The following MYBBP1A variants were observed in gnomAD, a reference collection of about 807,000 sequenced individuals.
The protein encoded by MYBBP1A is myb-binding protein 1A.
Under a neutral mutation model 136.3 loss-of-function variants are expected in MYBBP1A, and 147 were observed. The ratio of observed to expected loss-of-function variants is 1.08; its 90% confidence interval spans 0.94 to 1.24. The LOEUF (loss-of-function observed/expected upper bound fraction) is 1.24. Among genes scored for constraint, MYBBP1A ranks in the 50% most tolerant of loss-of-function variants. The pLI, the probability that MYBBP1A is intolerant of heterozygous loss-of-function variation, is 0.00. For synonymous variants in MYBBP1A, 947 were observed against 735.8 expected (o/e 1.29, Z -4.65); for missense variants, 2,060 against 1,727.4 (o/e 1.19, Z -3.41).
In MYBBP1A at chr17:4,544,617, G is replaced by C; in HGVS notation, c.2511C>G (p.Thr837=). Residue 837 remains threonine (T), a synonymous_variant, in exon 19 of 26, where the codon ACC becomes ACG. Transcript: ENST00000254718. ...RVLDLVEVLV[T]KQPENALVLE... ...GGACCAGGGCATTCTCGGGCTGCTT[G>C]GTCACTAGCACCTCCACCAGGTCCA... 1 of 1,591,148 alleles carries C rather than the reference G, an allele frequency of 6.3e-7. No individual in the cohort carries two copies. The highest frequency in any genetic ancestry group is 8.6e-7 in the Non-Finnish European group (1 of 1,168,764).
chr17:4,544,979 C>T, intron 17 of MYBBP1A, 47 bp downstream of exon 17: 3 of 1,529,528 alleles, frequency 2.0e-6, no homozygotes, highest in Non-Finnish European at 2.6e-6. Flanking sequence ...AACATGGGGA[C>T]ACCCGAGCCC....
Position 4,539,499 on chromosome 17 carries a change from C to G in MYBBP1A, c.3903G>C (p.Arg1301Ser), listed in dbSNP as rs1340892929. 1 of 1,614,164 alleles carries G rather than the reference C, an allele frequency of 6.2e-7. No individual in the cohort carries two copies. The highest frequency in any genetic ancestry group is 1.7e-5 in the Admixed American group (1 of 60,018). The change falls in exon 26 of 26, where the codon AGG (arginine) becomes AGC (serine). Residue 1301 changes from arginine to serine, a missense_variant. Physicochemically the swap from Arg to Ser is moderately radical, Grantham distance 110. Transcript: ENST00000254718. ...PLSALARKKA[R>S]LSLVIRSPSL... ...TGGGACTCCTGATGACCAAAGACAG[C>G]CTTGCCTTTTTCCGTGCCAGCGCGG...
chr17:4,549,785 C>CAAAAAAAAAAAAAAAAAAAAA (rs60360356), intron 9 of MYBBP1A, among the ~76,000 whole-genome samples: 1 of 65,404 alleles, frequency 1.5e-5, no homozygotes, highest in Non-Finnish European at 3.1e-5. Flanking sequence ...GAGACTCTGT[C>CAAAAAAAAAAAAAAAAAAAAA]AAAAAAAAAA....
rs1003687517 is a variant in MYBBP1A, at chr17:4,540,417, C to A, written c.3365G>T (p.Gly1122Val). Reference sequence around the variant, plus strand: ...GCGGCTGGAGCCGGTGGAGTGTGCCCCCTGCTGTAGGCTCTGCTGTTGCCC... The same window carrying A: ...GCGGCTGGAGCCGGTGGAGTGTGCCACCTGCTGTAGGCTCTGCTGTTGCCC... ...LQGQQQSLQQ[G>V]AHSTGSSRLH... The change falls in exon 25 of 26, where the codon GGG (glycine) becomes GTG (valine). Residue 1122 changes from glycine to valine, a missense_variant. Coordinates refer to ENST00000254718, the MANE Select transcript of MYBBP1A (RefSeq NM_014520.4). The A allele has an allele frequency of 6.2e-7, 1 of 1,611,008 alleles. No homozygotes were observed. Among genetic ancestry groups the A allele is most frequent in the Non-Finnish European group, 8.5e-7 (1 of 1,179,800 alleles).
Position 4,552,465 on chromosome 17 carries a change from A to T in MYBBP1A, c.723T>A (p.Asp241Glu), listed in dbSNP as rs761507079. 15 of 1,608,802 alleles carry T rather than the reference A, an allele frequency of 9.3e-6. No homozygotes were observed. The highest frequency in any genetic ancestry group is 2.7e-5 in the African/African-American group (2 of 74,766). The change falls in exon 6 of 26, where the codon GAT becomes GAA. Residue 241 changes from aspartate to glutamate, a missense_variant. Physicochemically the swap from Asp to Glu is conservative, Grantham distance 45. Coordinates refer to ENST00000254718, the MANE Select transcript of MYBBP1A (RefSeq NM_014520.4). This position sits in a 1 kb window ranked among gnomAD's most constrained non-coding sequence, Gnocchi z 4.7. ...KLVGSVNLFS[D>E]ENVPRLVNVL... The stretch of plus-strand genomic sequence containing the variant: ...CTCCATCACACCTGGGGACATTCTC[A>T]TCTGAGAATAGGTTCACGGATCCCA...
intron 2 of MYBBP1A, 125 bp downstream of exon 2, chr17:4,554,736 C>G (rs1907870761): frequency 3.3e-6 from 3 of 919,656 alleles, no homozygotes; most frequent in Non-Finnish European, 5.0e-6. Context: ...CTCCAGTCTG[C>G]TCTGCCACTC....
In MYBBP1A at chr17:4,554,546, A is replaced by G. The variant is rs79580663; in HGVS notation, c.295-268T>C. Among the ~76,000 whole-genome samples the G allele has an allele frequency of 3.4e-3, 523 of 152,302 alleles. 2 individuals are homozygous for G. The highest frequency in any genetic ancestry group is 0.012 in the African/African-American group (496 of 41,562). Reference sequence around the variant, plus strand: ...GCTCTGCCCCTTGTCAAGGCGCCTCAGAGAGTGGTCTACTCCAATCAGCTG... The same window carrying G: ...GCTCTGCCCCTTGTCAAGGCGCCTCGGAGAGTGGTCTACTCCAATCAGCTG... On this transcript the variant is annotated intron_variant, in intron 2 of 25. Coordinates refer to ENST00000254718, the MANE Select transcript of MYBBP1A (RefSeq NM_014520.4).
In MYBBP1A at chr17:4,552,496, T is replaced by G. The variant is rs1432878089; in HGVS notation, c.692A>C (p.Lys231Thr). Reference protein sequence around the residue: ...AQQKVPSKLKKLVGSVNLFSD... With the variant: ...AQQKVPSKLKTLVGSVNLFSD... ...GAATAGGTTCACGGATCCCACCAGC[T>G]TCTTGAGCTTGGAGGGCACCTTCTG... Residue 231 changes from lysine to threonine, a missense_variant, in exon 6 of 26, where the codon AAG becomes ACG. Coordinates refer to ENST00000254718, the MANE Select transcript of MYBBP1A (RefSeq NM_014520.4). This position sits in a 1 kb window ranked among gnomAD's most constrained non-coding sequence, Gnocchi z 4.7. 14 of 1,613,864 alleles carry G rather than the reference T, an allele frequency of 8.7e-6. No individual in the cohort carries two copies. The highest frequency in any genetic ancestry group is 1.1e-5 in the Non-Finnish European group (13 of 1,180,024).
chr17:4,542,708 G>A lies in MYBBP1A; in HGVS notation c.2926C>T (p.Arg976Trp), dbSNP rs143029758. 4,004 of 1,614,054 alleles carry A rather than the reference G, an allele frequency of 2.5e-3. 11 individuals carry two copies. Among genetic ancestry groups the A allele is most frequent in the Non-Finnish European group, 3.2e-3 (3,723 of 1,179,948 alleles). Residue 976 changes from arginine to tryptophan, a missense_variant, in exon 21 of 26, where the codon CGG becomes TGG. By Grantham distance (101) the Arg-to-Trp change is moderately radical. Coordinates refer to ENST00000254718, the MANE Select transcript of MYBBP1A (RefSeq NM_014520.4). ...ASCLDLNLVTRVYSTALSSFL... is the reference protein window; with the variant it reads ...ASCLDLNLVTWVYSTALSSFL... ...GAGCTCAGTGCTGTCGAGTACACCCGGGTCACCAGGTTCAAGTCCAAGCAG... is the reference window on the plus strand; with the variant it reads ...GAGCTCAGTGCTGTCGAGTACACCCAGGTCACCAGGTTCAAGTCCAAGCAG...
rs1018912161 is a variant in MYBBP1A at position 4,540,101 on chromosome 17, G to GTGAGGGTCCTA, written c.3435-145_3435-135dup. 233 of 1,219,276 alleles carry GTGAGGGTCCTA rather than the reference G, an allele frequency of 1.9e-4. 1 individual carries two copies. The highest frequency in any genetic ancestry group is 1.5e-3 in the African/African-American group (98 of 66,386). 75.5% of individuals were successfully genotyped at this position (1,219,276 alleles called of 1,614,324 possible). A position where few individuals can be genotyped will look rare whatever the true frequency, so the allele number is the denominator to read the frequency against. Reference sequence around the variant, plus strand: ...TCTGTGAGGCCCCTATGAGGGTCCCGTGAGGGTCCTATGAGGGTCCTGCGA... The same window carrying GTGAGGGTCCTA: ...TCTGTGAGGCCCCTATGAGGGTCCCGTGAGGGTCCTATGAGGGTCCTATGAGGGTCCTGCGA... On this transcript the variant is annotated intron_variant, in intron 25 of 25. Transcript: ENST00000254718.
At position 4,552,132 on chromosome 17, in the gene MYBBP1A, G is replaced by T. The variant is rs1489148756; in HGVS notation, c.898C>A (p.Pro300Thr). The change falls in exon 7 of 26, where the codon CCA (proline) becomes ACA (threonine). Residue 300 changes from proline (P) to threonine (T), a missense_variant. By Grantham distance (38) the Pro-to-Thr change is conservative. Transcript: ENST00000254718. This position sits in a 1 kb window ranked among gnomAD's most constrained non-coding sequence, Gnocchi z 4.7. The part of the protein sequence containing the change: ...EQGLLKMQFW[P>T]ASYLCFRLLG... ...GACACGCGTCGCCCGCACCTGGCTG[G>T]CCAGAACTGCATCTTCAGCAGCCCT... 4 of 1,613,808 alleles carry T rather than the reference G, an allele frequency of 2.5e-6. No individual in the cohort carries two copies. The African/African-American group carries it at 5.3e-5, about 22-fold the overall frequency.
rs947542776 is a variant in MYBBP1A at position 4,548,966 on chromosome 17, C to T, written c.1431-317G>A. The stretch of plus-strand genomic sequence containing the variant: ...TGGCCAAGTCAGGTCACTGCTCCTG[C>T]GAACATGGGACAGCCCCCTCTTGCA... On this transcript the variant is annotated intron_variant, in intron 10 of 25. Coordinates refer to ENST00000254718, the MANE Select transcript of MYBBP1A (RefSeq NM_014520.4). The surrounding 1 kb of genome is among the most constrained non-coding windows in gnomAD (Gnocchi z 4.2). 6.6e-6 allele frequency among the ~76,000 whole-genome samples: 1 copy of T among 152,254 alleles called. No individual in the cohort carries two copies. Among genetic ancestry groups the T allele is most frequent in the Non-Finnish European group, 1.5e-5 (1 of 68,046 alleles).
In MYBBP1A at chr17:4,553,797, G is replaced by A; in HGVS notation, c.561+13C>T. ...AAGTGTTGCCTGGGCCCGCACAGCT[G>A]GGGAGCTCATACCTCGGAGAGGATG... On this transcript the variant is annotated intron_variant, in intron 5 of 25. Transcript: ENST00000254718. 1.2e-6 allele frequency: 2 copies of A among 1,610,072 alleles called. No individual in the cohort carries two copies. Among genetic ancestry groups the A allele is most frequent in the African/African-American group, 1.3e-5 (1 of 74,942 alleles).
In MYBBP1A at chr17:4,540,378, T is replaced by G. The variant is rs1433681903; in HGVS notation, c.3404A>C (p.Tyr1135Ser). The change falls in exon 25 of 26, where the codon TAC becomes TCC. Residue 1135 changes from tyrosine to serine, a missense_variant. Physicochemically the swap from Tyr to Ser is moderately radical, Grantham distance 144 (BLOSUM62 -2). Coordinates refer to ENST00000254718, the MANE Select transcript of MYBBP1A (RefSeq NM_014520.4). ...STGSSRLHDL[Y>S]WQAMKTLGVQ... ...TCCCAGGGTTTTCATGGCCTGCCAG[T>G]AGAGGTCGTGCAGGCGGCTGGAGCC... is the stretch of plus-strand genomic sequence containing the variant. The G allele has an allele frequency of 1.9e-6, 3 of 1,609,546 alleles. No homozygotes were observed. The highest frequency in any genetic ancestry group is 1.1e-5 in the South Asian group (1 of 91,050).
At chr17:4,550,015 A>T in intron 9 of MYBBP1A, 43 bp downstream of exon 9, 2 of 1,566,790 alleles carry the variant, frequency 1.3e-6, no homozygotes, top group East Asian at 4.5e-5. Flanking sequence ...AGGCCTAGGA[A>T]GTTAACTCCT....
rs1843124389 is a variant in MYBBP1A at position 4,548,095 on chromosome 17, G to A, written c.1725-38C>T. 1.2e-6 allele frequency: 2 copies of A among 1,602,110 alleles called. No homozygotes were observed. The highest frequency in any genetic ancestry group is 1.7e-6 in the Non-Finnish European group (2 of 1,177,806). ...AGGCGATTCCCAGGCCCCTGCACCA[G>A]TCAGACTGCAGCGTCCTGCCCACCC... On this transcript the variant is annotated intron_variant, in intron 12 of 25. Transcript: ENST00000254718. The surrounding 1 kb of genome is among the most constrained non-coding windows in gnomAD (Gnocchi z 4.2).
intron 2 of MYBBP1A, 63 bp downstream of exon 2, chr17:4,554,798 C>T: frequency 6.6e-7 from 1 of 1,510,094 alleles, no homozygotes; most frequent in Non-Finnish European, 9.1e-7. Flanking sequence ...ACCACACCCG[C>T]CCTCCTCATA....
In MYBBP1A at chr17:4,552,616, G is replaced by A. The variant is rs138754898; in HGVS notation, c.572C>T (p.Ala191Val). ...LVDILSEVSK[A>V]TLQEILPEVL... ...CTCCGGCAGGATCTCCTGCAATGTG[G>A]CCTTCGAGACCTAAGGATGGAGGGA... Residue 191 changes from alanine to valine, a missense_variant, in exon 6 of 26, where the codon GCC (alanine) becomes GTC (valine). By Grantham distance (64) the Ala-to-Val change is moderately conservative. Transcript: ENST00000254718. The surrounding 1 kb of genome is among the most constrained non-coding windows in gnomAD (Gnocchi z 4.7). The A allele has an allele frequency of 7.6e-4, 1,226 of 1,613,232 alleles. 7 individuals carry two copies. In the Middle Eastern group the frequency reaches 0.015, roughly 20 times the overall value.
chr17:4,539,513 G>A lies in MYBBP1A; in HGVS notation c.3889C>T (p.Arg1297Trp), dbSNP rs139632940. Residue 1297 changes from arginine (R) to tryptophan (W), a missense_variant, in exon 26 of 26, where the codon CGG (arginine) becomes TGG (tryptophan). Coordinates refer to ENST00000254718, the MANE Select transcript of MYBBP1A (RefSeq NM_014520.4). ...ACCAAAGACAGCCTTGCCTTTTTCCGTGCCAGCGCGGACAGTGGTGATTTG... is the reference window on the plus strand; with the variant it reads ...ACCAAAGACAGCCTTGCCTTTTTCCATGCCAGCGCGGACAGTGGTGATTTG... ...LGKSPLSALA[R>W]KKARLSLVIR... is the part of the protein sequence containing the mutation. 79 of 1,613,914 alleles carry A rather than the reference G, an allele frequency of 4.9e-5. No individual in the cohort carries two copies. In the Admixed American group the frequency reaches 8.7e-4, roughly 18 times the overall value.
Sources: gnomAD v4.1 joint callset for allele counts (sites outside exome capture counted in the v4.1 genomes callset) on GRCh38, gnomAD v4.1.1 for gene constraint, Gnocchi (gnomAD v3.1) non-coding constraint, MANE v1.5 for transcripts, NCBI Gene and HGNC (gene_info 2026-07-23, HGNC 2026-07-21) for gene names.